Variants in MEGF10 observed in about 807,000 individuals in gnomAD.
The protein encoded by MEGF10 is multiple epidermal growth factor-like domains protein 10.
In MEGF10, 86 loss-of-function variants were observed where a neutral mutation model predicts 147.5. The ratio of observed to expected loss-of-function variants is 0.58; its 90% CI spans 0.49 to 0.70. The LOEUF (loss-of-function observed/expected upper bound fraction) is 0.70, where lower values mean the gene tolerates loss of function less well. Ranked by LOEUF, MEGF10 falls within the 30% of genes least tolerant of loss-of-function variation. MEGF10 has a pLI of 0.00. For synonymous variants in MEGF10, 478 were observed against 525.5 expected, an observed-to-expected ratio of 0.91 and a Z score of 1.24; for missense variants, 1,329 against 1,487.3, an observed-to-expected ratio of 0.89 and a Z score of 1.75.
At chr5:127,337,532 G>A (rs1442993425) in intron 2 of MEGF10, among the ~76,000 whole-genome samples, 1 of 152,068 alleles carries the variant, frequency 6.6e-6, no homozygotes, top group African/African-American at 2.4e-5. Context: ...ATAGCTTAAT[G>A]TGATATGTCA....
chr5:127,345,788 A>G (rs1261400386), intron 4 of MEGF10, among the ~76,000 whole-genome samples: 3 of 152,096 alleles, frequency 2.0e-5, no homozygotes, highest in East Asian at 1.9e-4. Context: ...ATTTTGGTGC[A>G]CCCATCAACC....
chr5:127,454,989 G>T (rs1004743230), intron 23 of MEGF10, among the ~76,000 whole-genome samples: 21 of 152,196 alleles, frequency 1.4e-4, no homozygotes, highest in African/African-American at 4.8e-4. Flanking sequence ...ATGATTAGAT[G>T]CCTAGTACAG....
chr5:127,400,542 G>T (rs1037811969), intron 7 of MEGF10, among the ~76,000 whole-genome samples: 1 of 152,226 alleles, frequency 6.6e-6, no homozygotes, highest in Non-Finnish European at 1.5e-5. Flanking sequence ...CCTTTTGCCA[G>T]TGTTGGTCTT....
At chr5:127,452,747 A>G (rs1766202171) in intron 22 of MEGF10, among the ~76,000 whole-genome samples, 1 of 152,168 alleles carries the variant, frequency 6.6e-6, no homozygotes, top group Admixed American at 6.5e-5. Context: ...AAGCACTCCT[A>G]TTGGGCAGGA....
At chr5:127,253,658 A>C in the MEGF10 span, among the ~76,000 whole-genome samples, 2 of 152,064 alleles carry the variant, frequency 1.3e-5, no homozygotes, top group African/African-American at 4.8e-5. Flanking sequence ...GCACACTAGA[A>C]ACAGCCAGTT....
At chr5:127,267,987 C>T in the MEGF10 span, among the ~76,000 whole-genome samples, 4 of 152,126 alleles carry the variant, frequency 2.6e-5, no homozygotes, top group Non-Finnish European at 4.4e-5. Context: ...GCTCTTGCTT[C>T]TCTAGTTCTT....
chr5:127,365,691 A>C lies in MEGF10; in HGVS notation c.320-4219A>C, dbSNP rs80307656. ...TTGCTGTGTCTGAAGGAGCATACTG[A>C]GAGTAGGTTGAGATTCAGCTTATAT... On this transcript the variant is annotated intron_variant, in intron 4 of 24. Transcript: ENST00000503335. Among the ~76,000 whole-genome samples, 141 of 152,316 alleles carry C rather than the reference A, an allele frequency of 9.3e-4. 3 individuals carry two copies. In the East Asian group the frequency reaches 0.023, roughly 25 times the overall value.
chr5:127,313,987 G>C (rs1760412957), intron 1 of MEGF10, among the ~76,000 whole-genome samples: 2 of 152,182 alleles, frequency 1.3e-5, no homozygotes, highest in South Asian at 4.1e-4. Context: ...TAGGTTCGGG[G>C]AGATGCCTTG....
At chr5:127,308,980 A>G (rs1254844294) in intron 1 of MEGF10, among the ~76,000 whole-genome samples, 1 of 152,204 alleles carries the variant, frequency 6.6e-6, no homozygotes, top group Non-Finnish European at 1.5e-5. Context: ...AGGGATTGCC[A>G]TCTGTAACGA....
chr5:127,417,870 T>C (rs1764836056), intron 10 of MEGF10, 58 bp downstream of exon 10: 1 of 1,531,362 alleles, frequency 6.5e-7, no homozygotes, highest in South Asian at 1.2e-5. Flanking sequence ...AGCATCTCAA[T>C]ACCATGATTT....
At chr5:127,441,732 G>T (rs1765763447) in intron 18 of MEGF10, among the ~76,000 whole-genome samples, 1 of 152,132 alleles carries the variant, frequency 6.6e-6, no homozygotes, top group African/African-American at 2.4e-5. Flanking sequence ...GATCTGCCAA[G>T]ATTATGGCCA....
In MEGF10 at chr5:127,396,563, C is replaced by T; in HGVS notation, c.444C>T (p.Cys148=). 1 of 1,585,794 alleles carries T rather than the reference C, an allele frequency of 6.3e-7. No individual in the cohort carries two copies. The highest frequency in any genetic ancestry group is 1.3e-5 in the African/African-American group (1 of 74,552). The change falls in exon 6 of 25, where the codon TGC becomes TGT. Residue 148 remains cysteine, a synonymous_variant. Transcript: ENST00000503335. ...ACDGDHWGPH[C]TSRCQCKNGA... The stretch of plus-strand genomic sequence containing the variant: ...ATGGTGATCACTGGGGTCCCCACTG[C>T]ACCAGCCGGTGCCAGTGCAAAAATG...
At chr5:127,362,599 C>T (rs961099421) in intron 4 of MEGF10, among the ~76,000 whole-genome samples, 1 of 151,966 alleles carries the variant, frequency 6.6e-6, no homozygotes, top group Non-Finnish European at 1.5e-5. Context: ...CTCCTGACCT[C>T]GTGATCCGCC....
intron 19 of MEGF10, chr5:127,444,710 G>A (rs950925834): frequency 6.6e-6 from 1 of 152,244 alleles, no homozygotes; most frequent in African/African-American, 2.4e-5. Flanking sequence ...TAAGGTATTA[G>A]GGTAATGCTA....
upstream of MEGF10, among the ~76,000 whole-genome samples, chr5:127,286,354 T>A (rs1002110179): frequency 2.0e-5 from 3 of 152,166 alleles, no homozygotes; most frequent in Non-Finnish European, 4.4e-5. Flanking sequence ...CTCAAGGTGA[T>A]GAATACCCGA....
chr5:127,305,153 G>T (rs766781745), intron 1 of MEGF10, among the ~76,000 whole-genome samples: 10 of 152,174 alleles, frequency 6.6e-5, no homozygotes, highest in African/African-American at 1.9e-4. Context: ...AGGCCAAAAG[G>T]TTACAGAATT....
intron 7 of MEGF10, among the ~76,000 whole-genome samples, chr5:127,401,309 G>A (rs1764123084): frequency 6.6e-6 from 1 of 152,120 alleles, no homozygotes; most frequent in Admixed American, 6.5e-5. Flanking sequence ...GATTCTCAGT[G>A]CTTAGCTCAA....
chr5:127,419,948 C>A, intron 11 of MEGF10, 96 bp from the exon 12 acceptor site: 1 of 1,403,990 alleles, frequency 7.1e-7, no homozygotes, highest in Non-Finnish European at 9.6e-7. Context: ...CTTGCATCTC[C>A]AAGGCGTTTC....
chr5:127,246,936 G>GT, the MEGF10 span, among the ~76,000 whole-genome samples: 15 of 4,024 alleles, frequency 3.7e-3, no homozygotes, highest in South Asian at 0.013. Flanking sequence ...AATAATATAT[G>GT]ATTATATTAT....
Sources: gnomAD v4.1 joint callset for allele counts (sites outside exome capture counted in the v4.1 genomes callset) on GRCh38, gnomAD v4.1.1 for gene constraint, MANE v1.5 for transcripts, NCBI Gene and HGNC (gene_info 2026-07-23, HGNC 2026-07-21) for gene names.